The following PRKCE variants were observed in gnomAD, a reference collection of about 807,000 sequenced individuals.
PRKCE encodes protein kinase C epsilon.
A neutral mutation model predicts 85.4 loss-of-function variants in PRKCE; 16 were observed. That is an observed-to-expected ratio of 0.19 (90% CI 0.13 to 0.28). PRKCE has a LOEUF of 0.28. PRKCE is among the 10% of genes least tolerant of loss of function. The pLI is 1.00. For synonymous variants in PRKCE, 388 were observed against 371.5 expected (o/e 1.04, Z -0.51); for missense variants, 573 against 975.2 (o/e 0.59, Z 5.49).
chr2:45,978,225 C>T (rs1284664203), intron 3 of PRKCE: 1 of 152,212 alleles, frequency 6.6e-6, no homozygotes, highest in Non-Finnish European at 1.5e-5. Context: ...ATCCAGGTCT[C>T]CTCTAAGTCC....
At chr2:45,764,535 G>A (rs1467159847) in intron 1 of PRKCE, among the ~76,000 whole-genome samples, 2 of 152,218 alleles carry the variant, frequency 1.3e-5, no homozygotes, top group African/African-American at 4.8e-5. Flanking sequence ...GCTCGAATGT[G>A]TGCAGTGGGA....
intron 14 of PRKCE, among the ~76,000 whole-genome samples, chr2:46,174,331 T>C (rs890191172): frequency 1.3e-5 from 2 of 152,254 alleles, no homozygotes; most frequent in African/African-American, 2.4e-5. Flanking sequence ...GTCTTCATTT[T>C]CTTCTCCCTT....
intron 2 of PRKCE, among the ~76,000 whole-genome samples, chr2:45,974,055 G>C (rs1470773641): frequency 1.3e-5 from 2 of 152,178 alleles, no homozygotes; most frequent in African/African-American, 4.8e-5. Context: ...ATGATGCCCA[G>C]GATGATGTTT....
At chr2:46,065,299 G>A (rs1431512179) in intron 10 of PRKCE, among the ~76,000 whole-genome samples, 1 of 151,906 alleles carries the variant, frequency 6.6e-6, no homozygotes, top group Non-Finnish European at 1.5e-5. Flanking sequence ...GGTAAACTAA[G>A]CAATTCCTCC....
intron 1 of PRKCE, among the ~76,000 whole-genome samples, chr2:45,753,673 T>G (rs985944419): frequency 2.6e-5 from 4 of 152,160 alleles, no homozygotes; most frequent in African/African-American, 4.8e-5. Context: ...AAAAAAACCT[T>G]TCTTATTAAA....
At chr2:46,015,640 G>T (rs969623752) in intron 10 of PRKCE, among the ~76,000 whole-genome samples, 2 of 133,142 alleles carry the variant, frequency 1.5e-5, no homozygotes, top group African/African-American at 2.9e-5. Flanking sequence ...CAACGTAGGA[G>T]CAAAAGTGTC....
At chr2:46,100,972 G>A (rs534075760) in intron 11 of PRKCE, among the ~76,000 whole-genome samples, 6 of 152,134 alleles carry the variant, frequency 3.9e-5, no homozygotes, top group East Asian at 3.9e-4. Flanking sequence ...AGGTTCAAGC[G>A]ATTCTCCCTC....
At chr2:45,808,999 C>T (rs1043945294) in intron 1 of PRKCE, among the ~76,000 whole-genome samples, 1 of 152,114 alleles carries the variant, frequency 6.6e-6, no homozygotes, top group African/African-American at 2.4e-5. Context: ...GAATCCTGAA[C>T]CTGAGAGTCC....
At chr2:45,831,040 C>G (rs1690380294) in intron 1 of PRKCE, among the ~76,000 whole-genome samples, 1 of 152,204 alleles carries the variant, frequency 6.6e-6, no homozygotes, top group Admixed American at 6.5e-5. Context: ...AGAGCGTCAG[C>G]TCAGATCAGG....
chr2:46,074,218 G>A (rs972420070), intron 10 of PRKCE, among the ~76,000 whole-genome samples: 1 of 152,126 alleles, frequency 6.6e-6, no homozygotes, highest in Non-Finnish European at 1.5e-5. Context: ...GAATCATTGT[G>A]TCTTGACAGC....
At chr2:45,690,115 A>C (rs1201890172) in intron 1 of PRKCE, among the ~76,000 whole-genome samples, 1 of 152,186 alleles carries the variant, frequency 6.6e-6, no homozygotes, top group African/African-American at 2.4e-5. Context: ...TGATAGTCTC[A>C]TATTGATCTG....
At chr2:45,947,726 TTGA>T (rs1386825259) in intron 2 of PRKCE, among the ~76,000 whole-genome samples, 2 of 152,200 alleles carry the variant, frequency 1.3e-5, no homozygotes, top group African/African-American at 4.8e-5. Context: ...TATTTTCCAA[TTGA>T]TAGGCACTTA....
chr2:46,158,733 C>T (rs931724807), intron 13 of PRKCE, among the ~76,000 whole-genome samples: 2 of 152,224 alleles, frequency 1.3e-5, no homozygotes, highest in African/African-American at 4.8e-5. Context: ...CTCTAACACT[C>T]ATGCACATAC....
chr2:45,657,380 A>G (rs929301190), intron 1 of PRKCE, among the ~76,000 whole-genome samples: 1 of 152,148 alleles, frequency 6.6e-6, no homozygotes, highest in African/African-American at 2.4e-5. Context: ...CTTCCCCTGT[A>G]CAAAGTGGGT....
intron 2 of PRKCE, among the ~76,000 whole-genome samples, chr2:45,957,209 C>T (rs1004201914): frequency 6.6e-5 from 10 of 152,244 alleles, no homozygotes; most frequent in African/African-American, 1.4e-4. Context: ...CCAAACCCAA[C>T]GTCACAAAGA....
intron 2 of PRKCE, among the ~76,000 whole-genome samples, chr2:45,953,108 G>A (rs1046521088): frequency 3.3e-5 from 5 of 152,122 alleles, no homozygotes; most frequent in African/African-American, 9.7e-5. Context: ...CATTTGCCCC[G>A]GATTACCTGG....
chr2:45,862,390 T>C (rs1375689843), intron 2 of PRKCE, among the ~76,000 whole-genome samples: 1 of 152,174 alleles, frequency 6.6e-6, no homozygotes, highest in Non-Finnish European at 1.5e-5. Flanking sequence ...TGGCCTTCTT[T>C]GAAGAGCCAC....
intron 2 of PRKCE, among the ~76,000 whole-genome samples, chr2:45,845,114 C>A (rs895980445): frequency 1.4e-5 from 2 of 141,254 alleles, no homozygotes; most frequent in Non-Finnish European, 3.0e-5. Flanking sequence ...TCCTTTCTTT[C>A]GATGGTGGGT....
intron 6 of PRKCE, among the ~76,000 whole-genome samples, chr2:45,996,839 C>T (rs1209453955): frequency 6.6e-6 from 1 of 152,048 alleles, no homozygotes; most frequent in Non-Finnish European, 1.5e-5. Context: ...TGGTGGCCTC[C>T]TAAAATGAGT....
Sources: gnomAD v4.1 joint callset for allele counts (sites outside exome capture counted in the v4.1 genomes callset) on GRCh38, gnomAD v4.1.1 for gene constraint, MANE v1.5 for transcripts, NCBI Gene and HGNC (gene_info 2026-07-23, HGNC 2026-07-21) for gene names.